The following CACNA1A variants were observed in gnomAD, a reference collection of about 807,000 sequenced individuals.
CACNA1A encodes calcium voltage-gated channel subunit alpha1 A.
In CACNA1A, 57 loss-of-function variants were observed where a neutral mutation model predicts 262.4. That is an observed-to-expected ratio of 0.22 (90% CI 0.18 to 0.27). CACNA1A has a LOEUF of 0.27. Among genes scored for constraint, CACNA1A ranks in the 10% least tolerant of loss-of-function variants. The pLI is 1.00. For synonymous variants in CACNA1A, 1,431 were observed against 1,419.3 expected (o/e 1.01, Z -0.18); for missense variants, 2,526 against 3,562.8 (o/e 0.71, Z 7.41).
intron 36 of CACNA1A, among the ~76,000 whole-genome samples, chr19:13,229,387 G>A (rs1041590432): frequency 1.3e-5 from 2 of 152,160 alleles, no homozygotes; most frequent in African/African-American, 2.4e-5. Flanking sequence ...TGGGTTCCAG[G>A]TATTCAGATA....
chr19:13,471,279 G>A (rs1008289745), intron 1 of CACNA1A, among the ~76,000 whole-genome samples: 1 of 152,136 alleles, frequency 6.6e-6, no homozygotes, highest in African/African-American at 2.4e-5. Flanking sequence ...AATTTTTGGT[G>A]GACAGGATTC....
At chr19:13,426,811 T>A (rs1381204588) in intron 3 of CACNA1A, among the ~76,000 whole-genome samples, 1 of 152,152 alleles carries the variant, frequency 6.6e-6, no homozygotes, top group Admixed American at 6.6e-5. Flanking sequence ...TCCACCTAAC[T>A]CAAGATCTGT....
chr19:13,466,584 G>A (rs758629032), intron 1 of CACNA1A, among the ~76,000 whole-genome samples: 3 of 151,924 alleles, frequency 2.0e-5, no homozygotes, highest in Non-Finnish European at 4.4e-5. Flanking sequence ...CAAGTGATCT[G>A]CCCACCTCAA....
intron 3 of CACNA1A, among the ~76,000 whole-genome samples, chr19:13,444,951 A>G (rs1009702265): frequency 6.6e-6 from 1 of 152,042 alleles, no homozygotes; most frequent in African/African-American, 2.4e-5. Flanking sequence ...TAGCCTGACC[A>G]ACATGGAGAA....
intron 19 of CACNA1A, among the ~76,000 whole-genome samples, chr19:13,295,750 C>T (rs548850434): frequency 2.1e-4 from 32 of 152,260 alleles, no homozygotes; most frequent in Non-Finnish European, 4.4e-4. Flanking sequence ...CTTCCTCAGC[C>T]TCCCAATGCA....
At chr19:13,341,359 C>T (rs2145166930) in intron 6 of CACNA1A, among the ~76,000 whole-genome samples, 1 of 151,692 alleles carries the variant, frequency 6.6e-6, no homozygotes, top group East Asian at 1.9e-4. Flanking sequence ...GACTCCTGGC[C>T]TCCTGAACTG....
At chr19:13,442,211 A>G (rs935816323) in intron 3 of CACNA1A, among the ~76,000 whole-genome samples, 6 of 152,186 alleles carry the variant, frequency 3.9e-5, no homozygotes, top group African/African-American at 1.4e-4. Context: ...AATGAGGAAG[A>G]GAGAGATTGG....
At chr19:13,253,244 T>G (rs2056449357) in intron 29 of CACNA1A, 143 bp from the exon 30 acceptor site, 1 of 512,888 alleles carries the variant, frequency 1.9e-6, no homozygotes, top group African/African-American at 1.9e-5. Context: ...GAGGCACAGT[T>G]CAGGAAAGCC....
In CACNA1A at chr19:13,303,829, C is replaced by G. The variant is rs1222538386; in HGVS notation, c.2042G>C (p.Gly681Ala). 6.2e-7 allele frequency: 1 copy of G among 1,613,864 alleles called. No homozygotes were observed. The highest frequency in any genetic ancestry group is 8.5e-7 in the Non-Finnish European group (1 of 1,179,824). Residue 681 changes from glycine to alanine, a missense_variant, in exon 16 of 47, where the codon GGG (glycine) becomes GCG (alanine). Gly to Ala is a moderately conservative substitution (Grantham distance 60). This residue lies in a region of CACNA1A where 102 missense variants were observed against 278.9 expected (regional missense o/e 0.37). Coordinates refer to ENST00000360228, the MANE Select transcript of CACNA1A (RefSeq NM_001127222.2). ...EVMYDGIKSQGGVQGGMVFSI... is the reference protein window; with the variant it reads ...EVMYDGIKSQAGVQGGMVFSI... The stretch of plus-strand genomic sequence containing the variant: ...GAACACCATGCCGCCCTGCACGCCC[C>G]CCTGAGACTTGATCCCGTCGTACAT...
intron 27 of CACNA1A, 143 bp from the exon 28 acceptor site, chr19:13,257,694 G>A (rs2056608228): frequency 1.2e-5 from 6 of 499,608 alleles, no homozygotes; most frequent in Non-Finnish European, 1.4e-5. Flanking sequence ...TTAAGTAGTC[G>A]CTGTTTTTTG....
intron 18 of CACNA1A, 96 bp downstream of exon 18, chr19:13,300,454 T>G: frequency 1.2e-6 from 1 of 814,708 alleles, no homozygotes. Context: ...AGCTCAGTTC[T>G]GTCAAGGACC....
chr19:13,372,860 G>C (rs2059348679), intron 3 of CACNA1A, among the ~76,000 whole-genome samples: 1 of 152,208 alleles, frequency 6.6e-6, no homozygotes, highest in South Asian at 2.1e-4. Flanking sequence ...TTTTGTAAAT[G>C]CAAGTTAGTA....
chr19:13,393,017 C>T (rs1453737185), intron 3 of CACNA1A, among the ~76,000 whole-genome samples: 1 of 152,164 alleles, frequency 6.6e-6, no homozygotes, highest in South Asian at 2.1e-4. Context: ...GATTTGCCCC[C>T]CTCAGCCTCC....
chr19:13,464,715 A>T (rs1335296787), intron 1 of CACNA1A, among the ~76,000 whole-genome samples: 1 of 150,154 alleles, frequency 6.7e-6, no homozygotes, highest in Non-Finnish European at 1.5e-5. Context: ...CGCCCGGCTA[A>T]TTTTTAGTAT....
chr19:13,414,900 C>A (rs1362822468), intron 3 of CACNA1A, among the ~76,000 whole-genome samples: 1 of 151,950 alleles, frequency 6.6e-6, no homozygotes, highest in African/African-American at 2.4e-5. Context: ...GAGGTCAAGG[C>A]TACAGTGAGC....
chr19:13,448,886 G>T (rs994889341), intron 3 of CACNA1A, among the ~76,000 whole-genome samples: 21 of 152,154 alleles, frequency 1.4e-4, no homozygotes, highest in African/African-American at 4.6e-4. Flanking sequence ...GAACACAAAA[G>T]TCAGGTTAGA....
At chr19:13,370,997 G>A (rs2059313364) in intron 4 of CACNA1A, 1 of 151,956 alleles carries the variant, frequency 6.6e-6, no homozygotes, top group Admixed American at 6.6e-5. Flanking sequence ...CCCTGCATAT[G>A]GCAGCCACCC....
intron 17 of CACNA1A, 52 bp downstream of exon 17, chr19:13,303,494 G>C: frequency 1.3e-6 from 1 of 765,850 alleles, no homozygotes. Context: ...GTCCTGATCT[G>C]CCATGGGCAG....
intron 1 of CACNA1A, among the ~76,000 whole-genome samples, chr19:13,485,592 A>G (rs1979875240): frequency 6.6e-6 from 1 of 152,220 alleles, no homozygotes; most frequent in Non-Finnish European, 1.5e-5. Context: ...CAAAAAAGCA[A>G]GCTTGAATAG....
Sources: gnomAD v4.1 joint callset for allele counts (sites outside exome capture counted in the v4.1 genomes callset) on GRCh38, gnomAD v4.1.1 for gene constraint, gnomAD v4.1.1 regional missense constraint, MANE v1.5 for transcripts, NCBI Gene and HGNC (gene_info 2026-07-23, HGNC 2026-07-21) for gene names.